Variants in CECR2 observed in about 807,000 individuals in gnomAD.
CECR2 encodes the protein CECR2 histone acetyl-lysine reader, also known as chromatin remodeling regulator CECR2.
Under a neutral mutation model 154.5 loss-of-function variants are expected in CECR2, and 30 were observed. That is an observed-to-expected ratio of 0.19 (90% CI 0.15 to 0.26). The LOEUF (loss-of-function observed/expected upper bound fraction) is 0.26, where lower values mean the gene tolerates loss of function less well. Among genes scored for constraint, CECR2 ranks in the 10% least tolerant of loss-of-function variants. CECR2 has a pLI of 1.00. For synonymous variants in CECR2, 725 were observed against 683.7 expected (o/e 1.06, Z -0.94); for missense variants, 1,743 against 1,829.3 (o/e 0.95, Z 0.86).
chr22:17,447,011 T>C (rs939223747), intron 1 of CECR2, among the ~76,000 whole-genome samples: 3 of 149,488 alleles, frequency 2.0e-5, no homozygotes, highest in Non-Finnish European at 1.5e-5. Context: ...TTTTACAGAG[T>C]GCTGAGTGGT....
At chr22:17,499,374 C>T (rs1044851013) in intron 3 of CECR2, 36 bp from the exon 4 acceptor site, 4 of 1,587,330 alleles carry the variant, frequency 2.5e-6, no homozygotes, top group Non-Finnish European at 3.4e-6. Flanking sequence ...GTTTTGTTCC[C>T]CATTTCCCCA....
rs765878345 is a variant in CECR2 at position 17,548,897 on chromosome 22, G to C, written c.3610G>C (p.Ala1204Pro). 6.2e-7 allele frequency: 1 copy of C among 1,613,336 alleles called. No homozygotes were observed. The highest frequency in any genetic ancestry group is 1.7e-5 in the Admixed American group (1 of 59,960). Residue 1204 changes from alanine to proline, a missense_variant, in exon 17 of 19, where the codon GCC (alanine) becomes CCC (proline). This residue lies in a region of CECR2 where 1,250 missense variants were observed against 1,192.1 expected (regional missense o/e 1.05). Transcript: ENST00000262608. ...YHHYQRTPYY[A>P]CPQSFSDWQR... Reference sequence around the variant, plus strand: ...CCACTATCAGCGAACTCCTTACTATGCCTGTCCACAGAGCTTTTCTGACTG... The same window carrying C: ...CCACTATCAGCGAACTCCTTACTATCCCTGTCCACAGAGCTTTTCTGACTG...
chr22:17,438,850 G>GA (rs374811838), intron 1 of CECR2, among the ~76,000 whole-genome samples: 3 of 151,622 alleles, frequency 2.0e-5, no homozygotes, highest in Admixed American at 6.6e-5. Flanking sequence ...TAATCGCTAA[G>GA]AAAAAAAAGT....
intron 1 of CECR2, among the ~76,000 whole-genome samples, chr22:17,447,968 A>G (rs1601375647): frequency 6.6e-6 from 1 of 152,138 alleles, no homozygotes; most frequent in South Asian, 2.1e-4. Flanking sequence ...GTACAGGTCC[A>G]TTAGAGCAAT....
intron 7 of CECR2, among the ~76,000 whole-genome samples, chr22:17,505,903 A>G (rs889252036): frequency 1.4e-5 from 2 of 139,196 alleles, no homozygotes; most frequent in Non-Finnish European, 3.0e-5. Flanking sequence ...GGAATGCAGT[A>G]GTGTGGTCAC....
At chr22:17,463,229 G>C (rs528112924) in intron 1 of CECR2, among the ~76,000 whole-genome samples, 2 of 152,284 alleles carry the variant, frequency 1.3e-5, no homozygotes, top group South Asian at 2.1e-4. Flanking sequence ...TCAAGGATGA[G>C]AGTAGTGAGA....
chr22:17,482,212 C>T (rs1416676133), intron 2 of CECR2, among the ~76,000 whole-genome samples: 2 of 149,218 alleles, frequency 1.3e-5, no homozygotes, highest in Admixed American at 6.7e-5. Flanking sequence ...ATCACAAGGT[C>T]AGAAGATCGA....
At chr22:17,493,248 C>G (rs1276964775) in intron 2 of CECR2, among the ~76,000 whole-genome samples, 1 of 152,056 alleles carries the variant, frequency 6.6e-6, no homozygotes, top group Admixed American at 6.6e-5. Flanking sequence ...CTGGGATTAC[C>G]GGCGTGAGCT....
chr22:17,413,662 G>GGAT (rs2146574573), intron 1 of CECR2, among the ~76,000 whole-genome samples: 1 of 149,522 alleles, frequency 6.7e-6, no homozygotes, highest in African/African-American at 2.5e-5. Context: ...TTTGGAAGGA[G>GGAT]GATTATTATT....
In CECR2 at chr22:17,397,969, ATTGTT is replaced by A. The variant is rs2053837706; in HGVS notation, c.126+28061_126+28065del. Among the ~76,000 whole-genome samples, 6 of 151,998 alleles carry A rather than the reference ATTGTT, an allele frequency of 3.9e-5. No individual in the cohort carries two copies. In the East Asian group the frequency reaches 5.8e-4, roughly 15 times the overall value. On this transcript the variant is annotated intron_variant, in intron 1 of 18. Transcript: ENST00000262608. Reference sequence around the variant, plus strand: ...TCATCTTTGTCAGTGGTCCTGTTGGATTGTTCATGCAACACTGTGTCTGTCGGCCT... The same window carrying A: ...TCATCTTTGTCAGTGGTCCTGTTGGACATGCAACACTGTGTCTGTCGGCCT...
chr22:17,395,846 ATAT>A (rs1395832689), intron 1 of CECR2, among the ~76,000 whole-genome samples: 1 of 151,614 alleles, frequency 6.6e-6, no homozygotes, highest in Non-Finnish European at 1.5e-5. Context: ...GTTTATTTTT[ATAT>A]TATTGATTAG....
At chr22:17,360,063 C>T (rs1217603940) in intron 1 of CECR2, 1 of 152,062 alleles carries the variant, frequency 6.6e-6, no homozygotes, top group Non-Finnish European at 1.5e-5. Flanking sequence ...AAACCAAAAG[C>T]CTGATAACAA....
chr22:17,464,361 C>T (rs371251185), intron 1 of CECR2, among the ~76,000 whole-genome samples: 1 of 152,326 alleles, frequency 6.6e-6, no homozygotes, highest in African/African-American at 2.4e-5. Context: ...CTCCCTGCTG[C>T]TTATCTCTGA....
Position 17,370,879 on chromosome 22 carries a change from T to A in CECR2, c.126+970T>A, listed in dbSNP as rs771390382. Among the ~76,000 whole-genome samples the A allele has an allele frequency of 1.3e-5, 2 of 152,222 alleles. 1 individual carries two copies. The highest frequency in any genetic ancestry group is 4.1e-4 in the South Asian group (2 of 4,834). ...GTTGGCAGGTTGAATTGCCTTCTCT[T>A]CTATGGCAATATGTGTCGTGACTTT... On this transcript the variant is annotated intron_variant, in intron 1 of 18. Transcript: ENST00000262608.
intron 1 of CECR2, among the ~76,000 whole-genome samples, chr22:17,409,183 A>C (rs1004665972): frequency 6.7e-6 from 1 of 150,026 alleles, no homozygotes; most frequent in African/African-American, 2.4e-5. Flanking sequence ...ACCAGGCTGG[A>C]GTGCAGTGGC....
At chr22:17,492,555 T>C (rs1415005006) in intron 2 of CECR2, among the ~76,000 whole-genome samples, 2 of 152,178 alleles carry the variant, frequency 1.3e-5, no homozygotes, top group Non-Finnish European at 2.9e-5. Context: ...GACTCATTCT[T>C]ATTTTCACTC....
At chr22:17,526,616 C>G (rs2056269214) in intron 9 of CECR2, among the ~76,000 whole-genome samples, 1 of 151,910 alleles carries the variant, frequency 6.6e-6, no homozygotes, top group Non-Finnish European at 1.5e-5. Flanking sequence ...CAAGGCCAGC[C>G]TGGCCAAGGT....
At chr22:17,428,473 A>T (rs2054365286) in intron 1 of CECR2, 1 of 145,216 alleles carries the variant, frequency 6.9e-6, no homozygotes, top group Non-Finnish European at 1.5e-5. Context: ...TTCTTCAAAG[A>T]TAACTGGAAT....
At chr22:17,467,135 A>G (rs182480597) in intron 1 of CECR2, among the ~76,000 whole-genome samples, 18 of 152,342 alleles carry the variant, frequency 1.2e-4, no homozygotes, top group Admixed American at 1.2e-3. Context: ...GAAAATAGCT[A>G]TACTTGAACA....
Sources: allele counts gnomAD v4.1 joint callset (sites outside exome capture counted in the v4.1 genomes callset), GRCh38; gene constraint gnomAD v4.1.1; regional missense constraint gnomAD v4.1.1; transcripts MANE v1.5; gene names NCBI Gene and HGNC (gene_info 2026-07-23, HGNC 2026-07-21).